PDE2A: variants seen among roughly 807,000 people sequenced by gnomAD.
PDE2A encodes the protein phosphodiesterase 2A.
PDE2A carries 53 observed loss-of-function variants against 133.6 expected under a neutral mutation model. The ratio of observed to expected loss-of-function variants is 0.40; its 90% confidence interval spans 0.32 to 0.50. PDE2A has a LOEUF of 0.50. Among genes scored for constraint, PDE2A ranks in the 20% least tolerant of loss-of-function variants. The pLI is 0.73. For synonymous variants in PDE2A, 491 were observed against 490.2 expected, an observed-to-expected ratio of 1.00 and a Z score of -0.02; for missense variants, 796 against 1,232.4, an observed-to-expected ratio of 0.65 and a Z score of 5.30.
At chr11:72,632,315 G>A (rs1023210423) in intron 2 of PDE2A, among the ~76,000 whole-genome samples, 10 of 152,168 alleles carry the variant, frequency 6.6e-5, no homozygotes, top group African/African-American at 1.4e-4. Flanking sequence ...GTTGTCCCAC[G>A]TGTCCCTGTG....
chr11:72,646,574 T>C (rs1318814363), intron 1 of PDE2A, among the ~76,000 whole-genome samples: 1 of 152,224 alleles, frequency 6.6e-6, no homozygotes, highest in Non-Finnish European at 1.5e-5. Context: ...GCAGGTTCAC[T>C]CTGACCATGT....
In PDE2A at chr11:72,578,829, G is replaced by A. The variant is rs374458988; in HGVS notation, c.2469+68C>T. 2 of 938,470 alleles carry A rather than the reference G, an allele frequency of 2.1e-6. No homozygotes were observed. The highest frequency in any genetic ancestry group is 2.4e-5 in the East Asian group (1 of 41,154). 58.1% of individuals were successfully genotyped at this position (938,470 alleles called of 1,614,324 possible). A position where few individuals can be genotyped will look rare whatever the true frequency, so the allele number is the denominator to read the frequency against. ...GAGCTGAGCAGAGAGAGGGTATTCA[G>A]GCACAGGGGGCACCCAAAGCTGGGC... On this transcript the variant is annotated intron_variant, in intron 28 of 30. Coordinates refer to ENST00000334456, the MANE Select transcript of PDE2A (RefSeq NM_002599.5). The surrounding 1 kb of genome is among the most constrained non-coding windows in gnomAD (Gnocchi z 4.2).
rs114470117 is a variant in PDE2A at position 72,673,462 on chromosome 11, G to A, written c.71+675C>T. On this transcript the variant is annotated intron_variant, in intron 1 of 30. Coordinates refer to ENST00000334456, the MANE Select transcript of PDE2A (RefSeq NM_002599.5). ...CGGCAGCCCTTAGTAGAGGGGTGTC[G>A]CCACGGCGCCCCCCACTCACTTGCA... Among the ~76,000 whole-genome samples the A allele has an allele frequency of 8.3e-3, 1,255 of 151,800 alleles. 15 individuals carry two copies. Among genetic ancestry groups the A allele is most frequent in the African/African-American group, 0.029 (1,201 of 41,330 alleles).
chr11:72,592,970 G>A (rs910519835), intron 6 of PDE2A, among the ~76,000 whole-genome samples: 2 of 152,042 alleles, frequency 1.3e-5, no homozygotes, highest in Non-Finnish European at 2.9e-5. Flanking sequence ...AGCACATGGA[G>A]GAGGACGTGG....
chr11:72,656,079 T>C (rs559787268), intron 1 of PDE2A, among the ~76,000 whole-genome samples: 2 of 150,144 alleles, frequency 1.3e-5, no homozygotes, highest in South Asian at 4.3e-4. Context: ...GGGAGGGAGG[T>C]TGAGCTGCAG....
Position 72,578,443 on chromosome 11 carries a change from A to T in PDE2A, c.2508+33T>A, listed in dbSNP as rs746246982. The T allele has an allele frequency of 6.2e-7, 1 of 1,600,840 alleles. No homozygotes were observed. Among genetic ancestry groups the T allele is most frequent in the South Asian group, 1.1e-5 (1 of 90,812 alleles). ...TGTCCCAGGCCAGGAACCCTCCCCC[A>T]TCCTGGACATCCTGGGGTCACTCCA... On this transcript the variant is annotated intron_variant, in intron 29 of 30. Coordinates refer to ENST00000334456, the MANE Select transcript of PDE2A (RefSeq NM_002599.5). The surrounding 1 kb of genome is among the most constrained non-coding windows in gnomAD (Gnocchi z 4.2).
chr11:72,667,329 A>G (rs1855265320), intron 1 of PDE2A, among the ~76,000 whole-genome samples: 1 of 152,022 alleles, frequency 6.6e-6, no homozygotes, highest in African/African-American at 2.4e-5. Context: ...CCAGACCCCA[A>G]CTGCAATGTC....
chr11:72,668,993 T>C (rs1855320829), intron 1 of PDE2A: 1 of 999,534 alleles, frequency 1.0e-6, no homozygotes, highest in African/African-American at 1.7e-5. Flanking sequence ...GGGTGGTTCA[T>C]AATGACAGTA....
Position 72,581,497 on chromosome 11 carries a change from G to T in PDE2A, c.1923-18C>A. 6 of 1,578,850 alleles carry T rather than the reference G, an allele frequency of 3.8e-6. No individual in the cohort carries two copies. The highest frequency in any genetic ancestry group is 5.2e-6 in the Non-Finnish European group (6 of 1,162,400). ...AACAGAACCTGGGGGAGGGAAGAGG[G>T]CAGAAGAGGGGCCTCAGCCTCTCCT... is the stretch of plus-strand genomic sequence containing the variant. On this transcript the variant is annotated intron_variant, in intron 22 of 30. Transcript: ENST00000334456.
chr11:72,598,249 C>T (rs574726509), intron 4 of PDE2A, among the ~76,000 whole-genome samples: 1 of 152,162 alleles, frequency 6.6e-6, no homozygotes, highest in East Asian at 1.9e-4. Context: ...AGTGAATAAG[C>T]GGTAGAGCCA....
At chr11:72,661,435 A>C (rs1391935939) in intron 1 of PDE2A, among the ~76,000 whole-genome samples, 1 of 152,116 alleles carries the variant, frequency 6.6e-6, no homozygotes, top group African/African-American at 2.4e-5. Flanking sequence ...TTTTGGCCCT[A>C]ATCACCCACT....
At chr11:72,604,678 G>A (rs1856897284) in intron 4 of PDE2A, among the ~76,000 whole-genome samples, 1 of 152,188 alleles carries the variant, frequency 6.6e-6, no homozygotes, top group South Asian at 2.1e-4. Flanking sequence ...CAGGCAGTGG[G>A]GCTCCAGAAC....
chr11:72,585,593 C>T lies in PDE2A; in HGVS notation c.1183G>A (p.Ala395Thr). ...AGGTTCTTTGCCACTTGGAGAAGAGCCTGGAATGAAGGAAATGGAGATCAT... is the reference window on the plus strand; with the variant it reads ...AGGTTCTTTGCCACTTGGAGAAGAGTCTGGAATGAAGGAAATGGAGATCAT... ...KEQKLKCECQ[A>T]LLQVAKNLFT... Residue 395 changes from alanine (A) to threonine (T), a missense_variant and splice_region_variant, in exon 15 of 31, where the codon GCT becomes ACT. Coordinates refer to ENST00000334456, the MANE Select transcript of PDE2A (RefSeq NM_002599.5). The T allele has an allele frequency of 1.2e-6, 2 of 1,613,900 alleles. No homozygotes were observed. Among genetic ancestry groups the T allele is most frequent in the Non-Finnish European group, 1.7e-6 (2 of 1,179,900 alleles).
chr11:72,631,915 A>G (rs1446751285), intron 2 of PDE2A, among the ~76,000 whole-genome samples: 2 of 151,720 alleles, frequency 1.3e-5, no homozygotes, highest in Non-Finnish European at 2.9e-5. Flanking sequence ...GGCATCGGAC[A>G]GGCGGTGGGA....
intron 2 of PDE2A, among the ~76,000 whole-genome samples, chr11:72,632,600 G>A (rs1414134491): frequency 6.6e-6 from 1 of 152,204 alleles, no homozygotes; most frequent in African/African-American, 2.4e-5. Context: ...TCCGGCAGAG[G>A]AAATGACGAG....
intron 1 of PDE2A, chr11:72,658,017 T>C (rs761933078): frequency 1.8e-5 from 8 of 456,210 alleles, no homozygotes; most frequent in Non-Finnish European, 3.5e-5. Flanking sequence ...TGCCTTCTCC[T>C]GGCAGGCATG....
chr11:72,605,934 G>A (rs761436622), intron 3 of PDE2A, among the ~76,000 whole-genome samples: 1 of 152,128 alleles, frequency 6.6e-6, no homozygotes, highest in Non-Finnish European at 1.5e-5. Context: ...GGGCACAGGG[G>A]CTGGGCCCAA....
chr11:72,635,301 G>T (rs1591110214), intron 2 of PDE2A, among the ~76,000 whole-genome samples: 1 of 152,180 alleles, frequency 6.6e-6, no homozygotes, highest in Non-Finnish European at 1.5e-5. Flanking sequence ...GGAGTGGAGG[G>T]AGCGCCCACC....
intron 4 of PDE2A, among the ~76,000 whole-genome samples, chr11:72,603,574 G>A (rs1345556633): frequency 1.3e-5 from 2 of 152,216 alleles, no homozygotes; most frequent in East Asian, 3.8e-4. Context: ...GAGGAGTGGA[G>A]CTTATATGAA....
Sources: gnomAD v4.1 joint callset for allele counts (sites outside exome capture counted in the v4.1 genomes callset) on GRCh38, gnomAD v4.1.1 for gene constraint, Gnocchi (gnomAD v3.1) non-coding constraint, MANE v1.5 for transcripts, NCBI Gene and HGNC (gene_info 2026-07-23, HGNC 2026-07-21) for gene names.